The following OR2C1 variants were observed in gnomAD, a reference collection of about 807,000 sequenced individuals.
OR2C1 encodes olfactory receptor 2C1.
For synonymous variants in OR2C1, 209 were observed against 167.3 expected, an observed-to-expected ratio of 1.25 and a Z score of -1.92; for missense variants, 468 against 388.3, an observed-to-expected ratio of 1.21 and a Z score of -1.73.
chr16:3,340,112 C>T, the OR2C1 span, among the ~76,000 whole-genome samples: 1 of 152,056 alleles, frequency 6.6e-6, no homozygotes, highest in Non-Finnish European at 1.5e-5. Context: ...AACCCCATCT[C>T]TACTAAAAAT....
chr16:3,336,871 G>A, the OR2C1 span, among the ~76,000 whole-genome samples: 42 of 151,752 alleles, frequency 2.8e-4, no homozygotes, highest in Admixed American at 1.1e-3. Flanking sequence ...ACCACACCTG[G>A]CTAATTTTGT....
chr16:3,350,992 C>T (rs1238807258), upstream of OR2C1, among the ~76,000 whole-genome samples: 1 of 137,114 alleles, frequency 7.3e-6, no homozygotes, highest in Non-Finnish European at 1.5e-5. Flanking sequence ...AGTGAGCTAT[C>T]ATTGCACACT....
At chr16:3,353,983 C>CTTTTTTTTTTT (rs1001983184), upstream of OR2C1, among the ~76,000 whole-genome samples, 6 of 115,490 alleles carry the variant, frequency 5.2e-5, no homozygotes, top group East Asian at 2.3e-4. Context: ...CTTTTCTTTT[C>CTTTTTTTTTTT]TTTTTTTTTT....
At chr16:3,324,252 C>T in the OR2C1 span, among the ~76,000 whole-genome samples, 1 of 152,050 alleles carries the variant, frequency 6.6e-6, no homozygotes, top group Non-Finnish European at 1.5e-5. Flanking sequence ...AGTGCAGTTG[C>T]CCGGTCTCGG....
At chr16:3,354,455 C>T (rs538762002), upstream of OR2C1, among the ~76,000 whole-genome samples, 22 of 152,228 alleles carry the variant, frequency 1.4e-4, no homozygotes, top group African/African-American at 4.6e-4. Flanking sequence ...TTGCCTTTTC[C>T]ACCTAAACTT....
chr16:3,332,886 A>T, the OR2C1 span, among the ~76,000 whole-genome samples: 3 of 152,208 alleles, frequency 2.0e-5, 1 homozygote, highest in South Asian at 6.2e-4. Flanking sequence ...TCTTTTGAAT[A>T]TATATCCAGT....
chr16:3,344,261 G>C, the OR2C1 span, among the ~76,000 whole-genome samples: 7 of 151,748 alleles, frequency 4.6e-5, no homozygotes, highest in African/African-American at 1.4e-4. Flanking sequence ...AAATAAACAA[G>C]AAAAACAGAA....
At chr16:3,326,589 G>A in the OR2C1 span, among the ~76,000 whole-genome samples, 2 of 152,012 alleles carry the variant, frequency 1.3e-5, no homozygotes, top group Non-Finnish European at 2.9e-5. Flanking sequence ...TGTCAATCCT[G>A]ATTCCATTTG....
the OR2C1 span, among the ~76,000 whole-genome samples, chr16:3,335,079 A>G: frequency 3.9e-5 from 6 of 151,914 alleles, no homozygotes; most frequent in Admixed American, 1.3e-4. Flanking sequence ...TCAGCCTCCC[A>G]AAGTGCTGGG....
the OR2C1 span, among the ~76,000 whole-genome samples, chr16:3,348,964 G>A: frequency 1.3e-5 from 2 of 152,070 alleles, no homozygotes; most frequent in African/African-American, 4.8e-5. Context: ...ACAGCTCTCA[G>A]ATTATGAGTC....
the OR2C1 span, among the ~76,000 whole-genome samples, chr16:3,332,862 A>G: frequency 1.8e-4 from 27 of 152,072 alleles, no homozygotes; most frequent in African/African-American, 6.3e-4. Context: ...TCTCTTCAAT[A>G]TATTGACTTC....
chr16:3,355,496 T>G (rs1047703195), upstream of OR2C1, among the ~76,000 whole-genome samples: 1 of 116,548 alleles, frequency 8.6e-6, no homozygotes, highest in African/African-American at 3.3e-5. Context: ...AAAAGTAAGT[T>G]GGAGTCCAGG....
the OR2C1 span, among the ~76,000 whole-genome samples, chr16:3,339,482 A>G: frequency 1.3e-5 from 2 of 152,000 alleles, no homozygotes; most frequent in African/African-American, 4.8e-5. Context: ...TTTGAGATGG[A>G]GTCTTGCTCT....
At chr16:3,352,343 C>T (rs2030585909), upstream of OR2C1, among the ~76,000 whole-genome samples, 1 of 152,098 alleles carries the variant, frequency 6.6e-6, no homozygotes, top group Non-Finnish European at 1.5e-5. Flanking sequence ...TCTTGGTTTC[C>T]TGACCTCGTG....
the OR2C1 span, among the ~76,000 whole-genome samples, chr16:3,338,828 G>C: frequency 1.3e-5 from 2 of 152,010 alleles, no homozygotes; most frequent in Non-Finnish European, 2.9e-5. Context: ...GAGCCACCGC[G>C]CCCGGCCTAG....
chr16:3,332,715 T>C, the OR2C1 span, among the ~76,000 whole-genome samples: 1 of 54,772 alleles, frequency 1.8e-5, no homozygotes, highest in Non-Finnish European at 3.4e-5. Flanking sequence ...AATAATATTC[T>C]ATTGCATATA....
chr16:3,323,072 G>T, the OR2C1 span: 1 of 553,300 alleles, frequency 1.8e-6, no homozygotes, highest in Non-Finnish European at 2.7e-6. Context: ...TCCAGTTTTT[G>T]AAGATAAAGC....
the OR2C1 span, among the ~76,000 whole-genome samples, chr16:3,347,827 T>G: frequency 1.0e-5 from 1 of 97,842 alleles, no homozygotes; most frequent in Non-Finnish European, 2.4e-5. Flanking sequence ...CGAACACACA[T>G]GCACACACAT....
the OR2C1 span, among the ~76,000 whole-genome samples, chr16:3,330,370 C>T: frequency 6.6e-6 from 1 of 152,056 alleles, no homozygotes; most frequent in African/African-American, 2.4e-5. Context: ...CCCGCCTCAG[C>T]CTCCCGAAGT....
Sources: allele counts gnomAD v4.1 joint callset (sites outside exome capture counted in the v4.1 genomes callset), GRCh38; gene constraint gnomAD v4.1.1; transcripts MANE v1.5; gene names NCBI Gene and HGNC (gene_info 2026-07-23, HGNC 2026-07-21).